DAGLB: variants seen among roughly 807,000 people sequenced by gnomAD.
The protein encoded by DAGLB is diacylglycerol lipase-beta.
Under a neutral mutation model 72.1 loss-of-function variants are expected in DAGLB, and 66 were observed. That is an observed-to-expected ratio of 0.92 (90% CI 0.75 to 1.12). The LOEUF (loss-of-function observed/expected upper bound fraction) is 1.12, where lower values mean the gene tolerates loss of function less well. Among genes scored for constraint, DAGLB ranks in the 50% most tolerant of loss-of-function variants. The pLI, the probability that DAGLB is intolerant of heterozygous loss-of-function variation, is 0.00. For synonymous variants in DAGLB, 414 were observed against 359.5 expected (o/e 1.15, Z -1.71); for missense variants, 1,065 against 884.9 (o/e 1.20, Z -2.58).
intron 4 of DAGLB, among the ~76,000 whole-genome samples, chr7:6,434,073 G>C (rs1784574440): frequency 6.6e-6 from 1 of 152,140 alleles, no homozygotes; most frequent in African/African-American, 2.4e-5. Context: ...TCAGGCTCCA[G>C]GACCAGCCCT....
chr7:6,421,399 A>G (rs1185599651), intron 9 of DAGLB, among the ~76,000 whole-genome samples: 1 of 71,766 alleles, frequency 1.4e-5, no homozygotes, highest in African/African-American at 6.1e-5. Context: ...CGGGAGGCGC[A>G]GGCAGCGCGG....
At position 6,430,587 on chromosome 7, in the gene DAGLB, T is replaced by G. The variant is rs200811468; in HGVS notation, c.822A>C (p.Glu274Asp). 2 of 1,602,774 alleles carry G rather than the reference T, an allele frequency of 1.2e-6. No individual in the cohort carries two copies. Among genetic ancestry groups the G allele is most frequent in the Non-Finnish European group, 1.7e-6 (2 of 1,172,742 alleles). The change falls in exon 6 of 15, where the codon GAA (glutamate) becomes GAC (aspartate). Residue 274 changes from glutamate (E) to aspartate (D), a missense_variant. Physicochemically the swap from Glu to Asp is conservative, Grantham distance 45. Transcript: ENST00000297056. ...GCATGTAATGATGGCAGTTTTCTAA[T>G]TCTGCATCCAGATCAGCTTCCTACA... ...GSSQEADLDA[E>D]LENCHHYMQF...
chr7:6,443,014 A>G lies in DAGLB; in HGVS notation c.247+2939T>C, dbSNP rs1239520111. ...CAGTGAAACCCCGTCTCTTCTAAAA[A>G]TACAAAAAAAAAAAAAAAAATAGCC... On this transcript the variant is annotated intron_variant, in intron 2 of 14. Transcript: ENST00000297056. 9.9e-5 allele frequency among the ~76,000 whole-genome samples: 11 copies of G among 111,238 alleles called. 1 individual carries two copies. Among genetic ancestry groups the G allele is most frequent in the African/African-American group, 3.5e-4 (11 of 31,528 alleles). The allele number at this position is 111,238 out of a possible 152,430, so 73.0% of individuals were successfully genotyped here. A position where few individuals can be genotyped will look rare whatever the true frequency, so the allele number is the denominator to read the frequency against.
intron 3 of DAGLB, among the ~76,000 whole-genome samples, 194 bp downstream of exon 3, chr7:6,436,168 T>C (rs12538142): frequency 0.17 from 25,199 of 151,956 alleles, 2,479 homozygotes; most frequent in East Asian, 0.23. Context: ...CATCAATACG[T>C]GCATAACGAA....
chr7:6,443,263 A>AG (rs1784893511), intron 2 of DAGLB, among the ~76,000 whole-genome samples: 2 of 150,160 alleles, frequency 1.3e-5, no homozygotes, highest in South Asian at 2.1e-4. Flanking sequence ...AAAAAAAAAA[A>AG]AAAAAAAAAA....
Position 6,432,723 on chromosome 7 carries a change from G to GGGGA in DAGLB, c.801+113_801+114insTCCC, listed in dbSNP as rs1562486027. 5.5e-6 allele frequency: 7 copies of GGGGA among 1,279,552 alleles called. No homozygotes were observed. In the African/African-American group the frequency reaches 8.7e-5, roughly 16 times the overall value. 79.3% of individuals were successfully genotyped at this position (1,279,552 alleles called of 1,614,324 possible). On this transcript the variant is annotated intron_variant, in intron 5 of 14. Transcript: ENST00000297056. ...GGGAGGAGGGGGAGGGGAGGGAGGG[G>GGGGA]AAAGGGGAATGAAGGAAGGGAGGAA...
Position 6,409,809 on chromosome 7 carries a change from T to G in DAGLB, c.*28A>C. ...TAAGGACAAAAGCGTGAGTCCATCG[T>G]TCCTGGGACAGTTTCCAGTGGCCCT... On this transcript the variant is annotated 3_prime_UTR_variant, in exon 15 of 15. Coordinates refer to ENST00000297056, the MANE Select transcript of DAGLB (RefSeq NM_139179.4). The G allele has an allele frequency of 1.9e-6, 3 of 1,607,574 alleles. No individual in the cohort carries two copies. The highest frequency in any genetic ancestry group is 2.6e-6 in the Non-Finnish European group (3 of 1,176,380).
In DAGLB at chr7:6,436,363, T is replaced by C. The variant is rs1470080016; in HGVS notation, c.418A>G (p.Ser140Gly). The C allele has an allele frequency of 1.2e-6, 2 of 1,603,748 alleles. No homozygotes were observed. The highest frequency in any genetic ancestry group is 2.7e-5 in the African/African-American group (2 of 74,228). The change falls in exon 3 of 15, where the codon AGT (serine) becomes GGT (glycine). Residue 140 changes from serine (S) to glycine (G), a missense_variant and splice_region_variant. Transcript: ENST00000297056. ...VNGIIATVVV[S>G]WIIIAATVVS... Reference sequence around the variant, plus strand: ...CAAAGAGAAGAAGGGAGATGTCACCTGACCACGACGGTTGCGATGATGCCG... The same window carrying C: ...CAAAGAGAAGAAGGGAGATGTCACCCGACCACGACGGTTGCGATGATGCCG...
chr7:6,445,761 C>A (rs1583305604), intron 2 of DAGLB, 192 bp downstream of exon 2: 1 of 600,696 alleles, frequency 1.7e-6, no homozygotes, highest in Non-Finnish European at 2.7e-6. Context: ...CTGTGTCCCG[C>A]CTGGTACAGG....
At chr7:6,414,878 A>G (rs13244690) in intron 11 of DAGLB, among the ~76,000 whole-genome samples, 1 of 152,172 alleles carries the variant, frequency 6.6e-6, no homozygotes, top group East Asian at 1.9e-4. Flanking sequence ...TGAGAAAGCA[A>G]GAAAATGAGG....
chr7:6,423,381 A>G (rs1248303955), intron 8 of DAGLB, among the ~76,000 whole-genome samples: 1 of 152,168 alleles, frequency 6.6e-6, no homozygotes, highest in Non-Finnish European at 1.5e-5. Context: ...AGGCTGGGGC[A>G]GGAAGTTCAC....
intron 11 of DAGLB, among the ~76,000 whole-genome samples, chr7:6,415,638 A>T (rs565318091): frequency 6.6e-6 from 1 of 151,404 alleles, no homozygotes; most frequent in South Asian, 2.1e-4. Flanking sequence ...AAGACAGGAG[A>T]TCGAGACCAT....
At position 6,436,529 on chromosome 7, in the gene DAGLB, C is replaced by G. The variant is rs1283103668; in HGVS notation, c.252G>C (p.Thr84=). 2 of 1,613,812 alleles carry G rather than the reference C, an allele frequency of 1.2e-6. No individual in the cohort carries two copies. Among genetic ancestry groups the G allele is most frequent in the Admixed American group, 3.3e-5 (2 of 59,822 alleles). ...SAIMCVSMRG[T]ICNPGPRKSM... ...ACTTCCGCGGTCCAGGGTTACAAAT[C>G]GTTCCTGAAATACAAAAAACGTTCC... Residue 84 remains threonine, a synonymous_variant, in exon 3 of 15, where the codon ACG becomes ACC. Coordinates refer to ENST00000297056, the MANE Select transcript of DAGLB (RefSeq NM_139179.4).
Position 6,447,622 on chromosome 7 carries a change from G to A in DAGLB, c.95+126C>T, listed in dbSNP as rs1425011119. 18 of 1,317,860 alleles carry A rather than the reference G, an allele frequency of 1.4e-5. No individual in the cohort carries two copies. In the East Asian group the frequency reaches 2.9e-4, roughly 21 times the overall value. 81.6% of individuals were successfully genotyped at this position (1,317,860 alleles called of 1,614,324 possible). A position where few individuals can be genotyped will look rare whatever the true frequency, so the allele number is the denominator to read the frequency against. ...GGCAGTGGTGAGAACTCGATAAGAG[G>A]ATGCGTGGCCAGCGCTGGGACCGCG... On this transcript the variant is annotated intron_variant, in intron 1 of 14. Coordinates refer to ENST00000297056, the MANE Select transcript of DAGLB (RefSeq NM_139179.4).
At chr7:6,444,003 A>G (rs768258773) in intron 2 of DAGLB, among the ~76,000 whole-genome samples, 1 of 152,154 alleles carries the variant, frequency 6.6e-6, no homozygotes, top group Non-Finnish European at 1.5e-5. Flanking sequence ...GCGGTGGTTC[A>G]CCCCTGTAAT....
At position 6,410,167 on chromosome 7, in the gene DAGLB, T is replaced by G. The variant is rs760967486; in HGVS notation, c.1783A>C (p.Arg595=). The change falls in exon 14 of 15, where the codon AGG becomes CGG. Residue 595 remains arginine (R), a synonymous_variant. Coordinates refer to ENST00000297056, the MANE Select transcript of DAGLB (RefSeq NM_139179.4). ...PKYPPLYPPG[R]IIHLQEEGAS... is the part of the protein sequence containing the mutation. ...CCCTCCTCCTGCAGGTGGATGATCCTGCCGGGAGGGTAGAGAGGGGGGTAC... is the reference window on the plus strand; with the variant it reads ...CCCTCCTCCTGCAGGTGGATGATCCGGCCGGGAGGGTAGAGAGGGGGGTAC... The G allele has an allele frequency of 1.9e-6, 3 of 1,584,340 alleles. No individual in the cohort carries two copies. The South Asian group carries it at 3.4e-5, about 18-fold the overall frequency.
intron 1 of DAGLB, among the ~76,000 whole-genome samples, chr7:6,446,659 G>C (rs1052277741): frequency 6.6e-6 from 1 of 151,700 alleles, no homozygotes; most frequent in East Asian, 2.0e-4. Context: ...GCCTCCCAAA[G>C]TGCTGGGATT....
At chr7:6,421,393 A>G (rs1311233236) in intron 9 of DAGLB, among the ~76,000 whole-genome samples, 1 of 81,274 alleles carries the variant, frequency 1.2e-5, no homozygotes, top group East Asian at 4.3e-4. Context: ...GCAGCGCGGG[A>G]GGCGCAGGCA....
chr7:6,416,708 G>A lies in DAGLB; in HGVS notation c.1346C>T (p.Ala449Val). The change falls in exon 11 of 15, where the codon GCC becomes GTC. Residue 449 changes from alanine (A) to valine (V), a missense_variant. Ala to Val is a moderately conservative substitution (Grantham distance 64, BLOSUM62 0). Coordinates refer to ENST00000297056, the MANE Select transcript of DAGLB (RefSeq NM_139179.4). The stretch of plus-strand genomic sequence containing the variant: ...TCTGAGCATGGTGGCCAGCAGGGCG[G>A]CCGCCCCGCCCCCGAGGCTGTGGCC... The part of the protein sequence containing the change: ...IVGHSLGGGA[A>V]ALLATMLRAA... The A allele has an allele frequency of 1.2e-6, 2 of 1,613,562 alleles. No homozygotes were observed. Among genetic ancestry groups the A allele is most frequent in the African/African-American group, 2.7e-5 (2 of 75,052 alleles).
Sources: gnomAD v4.1 joint callset for allele counts (sites outside exome capture counted in the v4.1 genomes callset) on GRCh38, gnomAD v4.1.1 for gene constraint, MANE v1.5 for transcripts, NCBI Gene and HGNC (gene_info 2026-07-23, HGNC 2026-07-21) for gene names.